Variants in KLF12 observed in about 807,000 individuals in gnomAD.
The protein encoded by KLF12 is Krueppel-like factor 12.
Under a neutral mutation model 37.8 loss-of-function variants are expected in KLF12, and 9 were observed. That is an observed-to-expected ratio of 0.24 (90% CI 0.14 to 0.42). KLF12 has a LOEUF of 0.42. Ranked by LOEUF, KLF12 falls within the 10% of genes least tolerant of loss-of-function variation. The probability of loss-of-function intolerance (pLI) is 1.00; values close to 1 mark genes in which losing one functional copy is unlikely to be tolerated. For synonymous variants in KLF12, 208 were observed against 202.1 expected, an observed-to-expected ratio of 1.03 and a Z score of -0.25; for missense variants, 411 against 516.0, an observed-to-expected ratio of 0.80 and a Z score of 1.97.
chr13:74,135,547 G>T (rs528090156), upstream of KLF12, among the ~76,000 whole-genome samples: 4 of 151,300 alleles, frequency 2.6e-5, no homozygotes, highest in East Asian at 5.9e-4. Context: ...GGTCAGCGCC[G>T]AGCCGGAGGG....
the KLF12 span, among the ~76,000 whole-genome samples, chr13:74,175,788 T>C: frequency 6.6e-6 from 1 of 152,208 alleles, no homozygotes; most frequent in Non-Finnish European, 1.5e-5. Context: ...TCCTGATACT[T>C]GTGGCTCAGC....
chr13:74,294,638 AT>A, the KLF12 span, among the ~76,000 whole-genome samples: 1 of 152,116 alleles, frequency 6.6e-6, no homozygotes. Flanking sequence ...AAGTGATGAG[AT>A]TACAGGCGTG....
At chr13:74,203,622 G>A in the KLF12 span, among the ~76,000 whole-genome samples, 1 of 152,136 alleles carries the variant, frequency 6.6e-6, no homozygotes, top group Admixed American at 6.6e-5. Context: ...TATGCAATGT[G>A]AAAATCTGTA....
chr13:73,866,358 G>A (rs1886180463), intron 3 of KLF12, among the ~76,000 whole-genome samples: 1 of 152,082 alleles, frequency 6.6e-6, no homozygotes, highest in South Asian at 2.1e-4. Flanking sequence ...TAGGGAAACA[G>A]GGCACAGCAA....
rs975392616 is a variant in KLF12, at chr13:74,083,485, C to T, written c.-32+50254G>A. On this transcript the variant is annotated intron_variant, in intron 1 of 7. Transcript: ENST00000377669. The stretch of plus-strand genomic sequence containing the variant: ...TTGTGCCATTGCACTCCAGCCTGGG[C>T]GATAGGAGACACACACACACACACA... Among the ~76,000 whole-genome samples, 3 of 137,822 alleles carry T rather than the reference C, an allele frequency of 2.2e-5. No homozygotes were observed. In the South Asian group the frequency reaches 7.3e-4, roughly 34 times the overall value. The allele number at this position is 137,822 out of a possible 152,430, so 90.4% of individuals were successfully genotyped here.
At chr13:73,963,320 C>T (rs1256996709) in intron 2 of KLF12, among the ~76,000 whole-genome samples, 4 of 122,332 alleles carry the variant, frequency 3.3e-5, no homozygotes, top group African/African-American at 8.7e-5. Context: ...CACACACACA[C>T]GTATATATGC....
intron 5 of KLF12, chr13:73,799,925 T>C (rs992560278): frequency 6.6e-6 from 1 of 152,170 alleles, no homozygotes; most frequent in Non-Finnish European, 1.5e-5. Flanking sequence ...TGAAAGGTCA[T>C]GAAATTTTAG....
At chr13:74,137,211 T>C (rs776047056), upstream of KLF12, among the ~76,000 whole-genome samples, 1 of 152,220 alleles carries the variant, frequency 6.6e-6, no homozygotes, top group African/African-American at 2.4e-5. Context: ...TTTGCAGAGA[T>C]GTGAAAAGTC....
At chr13:73,777,569 G>T (rs556105122) in intron 5 of KLF12, among the ~76,000 whole-genome samples, 1 of 152,030 alleles carries the variant, frequency 6.6e-6, no homozygotes, top group African/African-American at 2.4e-5. Flanking sequence ...TTAGCCGGGC[G>T]CGGTGGCACA....
At chr13:74,208,118 A>T in the KLF12 span, among the ~76,000 whole-genome samples, 3 of 152,228 alleles carry the variant, frequency 2.0e-5, no homozygotes, top group African/African-American at 7.2e-5. Context: ...GAATGCTCAC[A>T]TTCAAGACCC....
intron 3 of KLF12, among the ~76,000 whole-genome samples, chr13:73,931,593 C>G (rs9573329): frequency 0.61 from 93,335 of 152,058 alleles, 29,048 homozygotes; most frequent in African/African-American, 0.69. Context: ...CTTCTAACTT[C>G]ATAAAACGAC....
chr13:73,856,811 A>G (rs1885636656), intron 3 of KLF12, among the ~76,000 whole-genome samples: 1 of 152,062 alleles, frequency 6.6e-6, no homozygotes, highest in Admixed American at 6.6e-5. Context: ...CAACATGGTG[A>G]AACCGTCTCT....
the KLF12 span, among the ~76,000 whole-genome samples, chr13:74,303,907 G>C: frequency 6.6e-6 from 1 of 152,072 alleles, no homozygotes; most frequent in Non-Finnish European, 1.5e-5. Flanking sequence ...TAAGCAATAT[G>C]TTCCCTTTAA....
At chr13:74,021,929 G>A (rs1892850708) in intron 1 of KLF12, among the ~76,000 whole-genome samples, 1 of 152,164 alleles carries the variant, frequency 6.6e-6, no homozygotes, top group Admixed American at 6.5e-5. Context: ...CACCAATGAT[G>A]AGGTCTCCCT....
rs577713533 is a variant in KLF12, at chr13:74,049,031, G to C, written c.-31-53978C>G. On this transcript the variant is annotated intron_variant, in intron 1 of 7. Transcript: ENST00000377669. Reference sequence around the variant, plus strand: ...GACCAGAAATGGCGGTAAAAGTCTAGCTAAAATGAGGAAGACTGATTGACA... The same window carrying C: ...GACCAGAAATGGCGGTAAAAGTCTACCTAAAATGAGGAAGACTGATTGACA... Among the ~76,000 whole-genome samples the C allele has an allele frequency of 5.9e-5, 9 of 152,318 alleles. No individual in the cohort carries two copies. In the South Asian group the frequency reaches 1.5e-3, roughly 25 times the overall value.
intron 1 of KLF12, among the ~76,000 whole-genome samples, chr13:74,068,574 T>TC (rs1467034203): frequency 7.3e-5 from 10 of 137,676 alleles, no homozygotes; most frequent in Non-Finnish European, 1.4e-4. Context: ...TTTTTTTTTT[T>TC]GAGACTGAGC....
the KLF12 span, among the ~76,000 whole-genome samples, chr13:74,237,831 G>C: frequency 4.9e-3 from 746 of 152,304 alleles, 4 homozygotes; most frequent in African/African-American, 0.017. Context: ...AGCTTAAGGA[G>C]ATTTTGGGCT....
At chr13:74,274,755 G>A in the KLF12 span, among the ~76,000 whole-genome samples, 1 of 151,462 alleles carries the variant, frequency 6.6e-6, no homozygotes, top group Non-Finnish European at 1.5e-5. Flanking sequence ...GTATGTGTAA[G>A]CATTTTCTTT....
At chr13:74,242,349 C>G in the KLF12 span, among the ~76,000 whole-genome samples, 1 of 152,126 alleles carries the variant, frequency 6.6e-6, no homozygotes, top group Non-Finnish European at 1.5e-5. Flanking sequence ...GGAGGCCTCA[C>G]AATCGTGGTG....
Sources: gnomAD v4.1 joint callset for allele counts (sites outside exome capture counted in the v4.1 genomes callset) on GRCh38, gnomAD v4.1.1 for gene constraint, MANE v1.5 for transcripts, NCBI Gene and HGNC (gene_info 2026-07-23, HGNC 2026-07-21) for gene names.